The following PTPRD variants were observed in gnomAD, a reference collection of about 807,000 sequenced individuals.
PTPRD encodes the protein protein tyrosine phosphatase receptor type D.
Under a neutral mutation model 214.5 loss-of-function variants are expected in PTPRD, and 34 were observed. The observed-to-expected ratio is 0.16, with a 90% CI of 0.12 to 0.21. The LOEUF (loss-of-function observed/expected upper bound fraction) is 0.21. Among genes scored for constraint, PTPRD ranks in the 10% least tolerant of loss-of-function variants. PTPRD has a pLI of 1.00. For missense variants in PTPRD, 2,545 were observed against 2,398.7 expected, an observed-to-expected ratio of 1.06 and a Z score of -1.27; for synonymous variants, 1,128 against 845.7, an observed-to-expected ratio of 1.33 and a Z score of -5.79.
intron 8 of PTPRD, among the ~76,000 whole-genome samples, chr9:9,475,894 A>C (rs1322549310): frequency 6.6e-6 from 1 of 152,190 alleles, no homozygotes; most frequent in Non-Finnish European, 1.5e-5. Flanking sequence ...CCTATGTTAT[A>C]TATAAACTGC....
At chr9:10,473,280 A>C (rs977639493) in intron 2 of PTPRD, among the ~76,000 whole-genome samples, 1 of 152,210 alleles carries the variant, frequency 6.6e-6, no homozygotes, top group African/African-American at 2.4e-5. Context: ...ATTCATGTTG[A>C]AAGTAGAGAC....
chr9:9,678,657 C>T (rs139158944), intron 7 of PTPRD, among the ~76,000 whole-genome samples: 190 of 151,836 alleles, frequency 1.3e-3, no homozygotes, highest in African/African-American at 4.2e-3. Flanking sequence ...TCTCGCCATG[C>T]TCCAAAAGTA....
At position 10,357,306 on chromosome 9, in the gene PTPRD, T is replaced by C. The variant is rs72698944; in HGVS notation, c.-599-16289A>G. Among the ~76,000 whole-genome samples the C allele has an allele frequency of 2.8e-3, 425 of 152,324 alleles. 1 individual carries two copies. Among genetic ancestry groups the C allele is most frequent in the Non-Finnish European group, 5.1e-3 (350 of 68,028 alleles). Reference sequence around the variant, plus strand: ...ATTTAACCATCACAAAACTACATTTTTGAGCACTCTTTACTAGAAAAAACT... The same window carrying C: ...ATTTAACCATCACAAAACTACATTTCTGAGCACTCTTTACTAGAAAAAACT... On this transcript the variant is annotated intron_variant, in intron 2 of 45. Coordinates refer to ENST00000381196, the MANE Select transcript of PTPRD (RefSeq NM_002839.4).
chr9:8,846,993 A>C (rs1200195332), intron 11 of PTPRD, among the ~76,000 whole-genome samples: 1 of 152,194 alleles, frequency 6.6e-6, no homozygotes, highest in Non-Finnish European at 1.5e-5. Flanking sequence ...CTGCACCCCA[A>C]GCATGAGAAG....
chr9:9,377,286 C>G (rs2061042754), intron 9 of PTPRD, among the ~76,000 whole-genome samples: 1 of 152,064 alleles, frequency 6.6e-6, no homozygotes, highest in South Asian at 2.1e-4. Context: ...AAACAGTAGT[C>G]CTCCATGAAC....
intron 11 of PTPRD, among the ~76,000 whole-genome samples, chr9:8,747,065 T>G (rs993565899): frequency 7.2e-5 from 11 of 152,188 alleles, no homozygotes; most frequent in Non-Finnish European, 1.3e-4. Context: ...AATGCCATCT[T>G]TTTAAGAATT....
chr9:10,511,368 A>G (rs1324474894), intron 2 of PTPRD, among the ~76,000 whole-genome samples: 1 of 151,934 alleles, frequency 6.6e-6, no homozygotes, highest in Non-Finnish European at 1.5e-5. Flanking sequence ...CGGTTGTACC[A>G]CTTTACCTCA....
intron 7 of PTPRD, among the ~76,000 whole-genome samples, chr9:9,709,065 G>C (rs143533379): frequency 3.4e-4 from 51 of 151,980 alleles, no homozygotes; most frequent in African/African-American, 1.1e-3. Context: ...AATAGTTTAA[G>C]ATCTTATAAA....
At chr9:8,633,191 C>G in intron 14 of PTPRD, 126 bp downstream of exon 14, 1 of 1,237,166 alleles carries the variant, frequency 8.1e-7, no homozygotes, top group Non-Finnish European at 1.1e-6. Context: ...AAGTTCAAGT[C>G]TTACAAACAT....
chr9:8,579,774 G>C (rs1382449765), intron 14 of PTPRD, among the ~76,000 whole-genome samples: 1 of 152,198 alleles, frequency 6.6e-6, no homozygotes, highest in Non-Finnish European at 1.5e-5. Flanking sequence ...AGGAAATTAA[G>C]CTGAAGGAGT....
chr9:10,001,857 A>G (rs1195181872), intron 4 of PTPRD, among the ~76,000 whole-genome samples: 1 of 151,810 alleles, frequency 6.6e-6, no homozygotes, highest in Non-Finnish European at 1.5e-5. Context: ...ATGGAGGAAT[A>G]AAGAGTACAG....
intron 9 of PTPRD, among the ~76,000 whole-genome samples, chr9:9,230,521 G>C (rs2099962441): frequency 6.6e-6 from 1 of 152,114 alleles, no homozygotes; most frequent in South Asian, 2.1e-4. Flanking sequence ...TCAGAAGTAT[G>C]GGAGGCCCAG....
intron 26 of PTPRD, among the ~76,000 whole-genome samples, chr9:8,496,211 A>AACAC (rs60850678): frequency 4.9e-4 from 45 of 91,520 alleles, no homozygotes; most frequent in East Asian, 2.0e-3. Context: ...CACACACACA[A>AACAC]ACACACACAC....
At chr9:9,588,488 T>A (rs932291420) in intron 7 of PTPRD, among the ~76,000 whole-genome samples, 1 of 151,872 alleles carries the variant, frequency 6.6e-6, no homozygotes, top group Non-Finnish European at 1.5e-5. Context: ...CAATCCAAAT[T>A]TTATACTTTG....
intron 9 of PTPRD, among the ~76,000 whole-genome samples, chr9:9,188,065 CT>C (rs2099932764): frequency 6.6e-6 from 1 of 152,060 alleles, no homozygotes; most frequent in South Asian, 2.1e-4. Context: ...CTCAAACTCA[CT>C]TTTTCCTCCT....
intron 6 of PTPRD, among the ~76,000 whole-genome samples, chr9:9,744,455 T>C (rs2098438282): frequency 6.6e-6 from 1 of 152,110 alleles, no homozygotes. Context: ...AGTGATACAT[T>C]TTCCACAGTG....
intron 2 of PTPRD, among the ~76,000 whole-genome samples, chr9:10,546,749 T>C (rs528095185): frequency 3.3e-5 from 5 of 152,180 alleles, no homozygotes; most frequent in South Asian, 4.2e-4. Flanking sequence ...TCTAGCAACA[T>C]ATAAAAGTAT....
At chr9:10,060,848 C>CTTTCTTT (rs375192553) in intron 3 of PTPRD, among the ~76,000 whole-genome samples, 1 of 111,278 alleles carries the variant, frequency 9.0e-6, no homozygotes, top group South Asian at 2.5e-4. Flanking sequence ...TCCTTCCTTT[C>CTTTCTTT]CTTTCTTTCT....
At chr9:10,375,775 A>G (rs59099204) in intron 2 of PTPRD, among the ~76,000 whole-genome samples, 11,995 of 152,018 alleles carry the variant, frequency 0.079, 1,586 homozygotes, top group African/African-American at 0.27. Context: ...TTTTTTACCA[A>G]GTGACTCTGA....
Sources: gnomAD v4.1 joint callset for allele counts (sites outside exome capture counted in the v4.1 genomes callset) on GRCh38, gnomAD v4.1.1 for gene constraint, MANE v1.5 for transcripts, NCBI Gene and HGNC (gene_info 2026-07-23, HGNC 2026-07-21) for gene names.